Variants in MARCHF1 observed in about 807,000 individuals in gnomAD.
MARCHF1 encodes membrane associated ring-CH-type finger 1.
Under a neutral mutation model 54.2 loss-of-function variants are expected in MARCHF1, and 40 were observed. That is an observed-to-expected ratio of 0.74 (90% CI 0.57 to 0.96). MARCHF1 has a LOEUF of 0.96. Ranked by LOEUF, MARCHF1 falls within the 40% of genes least tolerant of loss-of-function variation. The pLI is 0.00. For synonymous variants in MARCHF1, 236 were observed against 236.3 expected (o/e 1.00, Z 0.01); for missense variants, 586 against 656.5 (o/e 0.89, Z 1.17).
At chr4:164,234,493 G>A (rs76110703) in intron 1 of MARCHF1, among the ~76,000 whole-genome samples, 2,942 of 152,106 alleles carry the variant, frequency 0.019, 93 homozygotes, top group East Asian at 0.12. Context: ...ACACTCCTAT[G>A]ATAGAATAAA....
chr4:164,050,200 A>C (rs1232123238), intron 2 of MARCHF1, among the ~76,000 whole-genome samples: 1 of 138,890 alleles, frequency 7.2e-6, no homozygotes, highest in East Asian at 2.4e-4. Flanking sequence ...GCTTGAACCC[A>C]GGAGGTGGAG....
At chr4:164,171,393 T>C (rs926536329) in intron 1 of MARCHF1, among the ~76,000 whole-genome samples, 2 of 152,126 alleles carry the variant, frequency 1.3e-5, no homozygotes, top group Admixed American at 1.3e-4. Context: ...AGTAGTAATA[T>C]AATACATATT....
chr4:163,884,875 A>G (rs1460946519), intron 3 of MARCHF1, among the ~76,000 whole-genome samples: 1 of 152,162 alleles, frequency 6.6e-6, no homozygotes, highest in Non-Finnish European at 1.5e-5. Context: ...ACTTTTAAGG[A>G]CATACCAAAA....
intron 4 of MARCHF1, among the ~76,000 whole-genome samples, chr4:163,733,702 A>G (rs1745949528): frequency 6.6e-6 from 1 of 152,114 alleles, no homozygotes; most frequent in Admixed American, 6.5e-5. Flanking sequence ...GTAAAATCTA[A>G]AACTATACAA....
intron 8 of MARCHF1, among the ~76,000 whole-genome samples, chr4:163,570,133 A>G (rs138049051): frequency 5.3e-5 from 8 of 152,242 alleles, no homozygotes; most frequent in African/African-American, 1.7e-4. Flanking sequence ...ATTCTGAATG[A>G]CTGATATGCA....
At chr4:164,215,790 AACT>A (rs1208592697) in intron 1 of MARCHF1, among the ~76,000 whole-genome samples, 6 of 152,194 alleles carry the variant, frequency 3.9e-5, no homozygotes, top group Non-Finnish European at 7.3e-5. Flanking sequence ...AGTCCTAAAG[AACT>A]ATATTACATT....
chr4:163,566,068 T>C (rs559069853), intron 8 of MARCHF1, among the ~76,000 whole-genome samples: 1 of 152,332 alleles, frequency 6.6e-6, no homozygotes, highest in South Asian at 2.1e-4. Context: ...TTTGTGGCAC[T>C]GTTCAAAGTT....
At chr4:163,741,263 T>C (rs971838116) in intron 4 of MARCHF1, among the ~76,000 whole-genome samples, 1 of 152,154 alleles carries the variant, frequency 6.6e-6, no homozygotes, top group Non-Finnish European at 1.5e-5. Flanking sequence ...GTTTAATTGA[T>C]TACGAGTGTT....
At chr4:164,371,394 A>T (rs2110957948) in intron 1 of MARCHF1, among the ~76,000 whole-genome samples, 1 of 152,332 alleles carries the variant, frequency 6.6e-6, no homozygotes, top group South Asian at 2.1e-4. Context: ...AAAGAATGAT[A>T]AAACTGAGCA....
At position 164,282,306 on chromosome 4, in the gene MARCHF1, G is replaced by A. The variant is rs76325687; in HGVS notation, c.-323+101564C>T. On this transcript the variant is annotated intron_variant, in intron 1 of 9. Coordinates refer to ENST00000514618, the MANE Select transcript of MARCHF1 (RefSeq NM_001394959.1). ...TCACCAATATTATCTCCAGATTTTT[G>A]ATTTACAAACAACTGTGACTTTGCT... Among the ~76,000 whole-genome samples, 528 of 150,766 alleles carry A rather than the reference G, an allele frequency of 3.5e-3. 18 individuals carry two copies. Among genetic ancestry groups the A allele is most frequent in the African/African-American group, 0.012 (497 of 41,104 alleles).
At chr4:164,232,828 G>A (rs75558021) in intron 1 of MARCHF1, among the ~76,000 whole-genome samples, 2,963 of 152,246 alleles carry the variant, frequency 0.019, 96 homozygotes, top group East Asian at 0.12. Context: ...AGTGTAAGAT[G>A]CAATAGTAGT....
chr4:163,595,587 G>T (rs1195729274), intron 7 of MARCHF1, among the ~76,000 whole-genome samples: 3 of 152,162 alleles, frequency 2.0e-5, no homozygotes, highest in South Asian at 4.1e-4. Flanking sequence ...ACTGCCATTT[G>T]CTACAGGATT....
At chr4:164,312,516 G>A (rs950271821) in intron 1 of MARCHF1, among the ~76,000 whole-genome samples, 23 of 151,764 alleles carry the variant, frequency 1.5e-4, no homozygotes, top group Middle Eastern at 3.4e-3. Context: ...TAGAGACAGG[G>A]TTTCACCATG....
chr4:164,340,564 G>A (rs1347682913), intron 1 of MARCHF1, among the ~76,000 whole-genome samples: 2 of 150,626 alleles, frequency 1.3e-5, no homozygotes, highest in Non-Finnish European at 3.0e-5. Flanking sequence ...CAAGTAGCTG[G>A]GACCGCCCCA....
At chr4:164,107,578 G>A (rs1052090715) in intron 2 of MARCHF1, among the ~76,000 whole-genome samples, 3 of 152,016 alleles carry the variant, frequency 2.0e-5, no homozygotes, top group African/African-American at 4.8e-5. Flanking sequence ...GCCCAGTCTG[G>A]TATGGAACTG....
intron 3 of MARCHF1, among the ~76,000 whole-genome samples, chr4:163,987,227 C>A (rs558073820): frequency 1.3e-5 from 2 of 152,262 alleles, no homozygotes; most frequent in East Asian, 3.9e-4. Context: ...AGTTTCTTTA[C>A]AAAGATTTTT....
intron 4 of MARCHF1, among the ~76,000 whole-genome samples, chr4:163,709,276 A>T (rs1471554043): frequency 6.6e-6 from 1 of 152,070 alleles, no homozygotes; most frequent in Non-Finnish European, 1.5e-5. Context: ...CTTTGTGTAT[A>T]AAGTTTCAGT....
At chr4:164,351,696 C>T (rs953400732) in intron 1 of MARCHF1, among the ~76,000 whole-genome samples, 67 of 151,966 alleles carry the variant, frequency 4.4e-4, no homozygotes, top group African/African-American at 1.5e-3. Flanking sequence ...CTCTAAAAAG[C>T]AGAGCGCCTC....
intron 2 of MARCHF1, among the ~76,000 whole-genome samples, chr4:164,107,209 A>G (rs539133122): frequency 6.6e-5 from 10 of 152,160 alleles, no homozygotes; most frequent in Non-Finnish European, 1.2e-4. Context: ...CATTTGTCAT[A>G]TATCAGTGGT....
Sources: allele counts gnomAD v4.1 joint callset (sites outside exome capture counted in the v4.1 genomes callset), GRCh38; gene constraint gnomAD v4.1.1; transcripts MANE v1.5; gene names NCBI Gene and HGNC (gene_info 2026-07-23, HGNC 2026-07-21).